PCDHGB1: variants seen among roughly 807,000 people sequenced by gnomAD.
PCDHGB1 encodes protocadherin gamma-B1.
A neutral mutation model predicts 56.6 loss-of-function variants in PCDHGB1; 34 were observed. The observed-to-expected ratio is 0.60, with a 90% CI of 0.46 to 0.80. The LOEUF (loss-of-function observed/expected upper bound fraction) is 0.80. Ranked by LOEUF, PCDHGB1 falls within the 30% of genes least tolerant of loss-of-function variation. The pLI is 0.00. For synonymous variants in PCDHGB1, 561 were observed against 505.9 expected, an observed-to-expected ratio of 1.11 and a Z score of -1.46; for missense variants, 1,278 against 1,204.6, an observed-to-expected ratio of 1.06 and a Z score of -0.90.
At chr5:141,397,984 A>G in intron 1 of PCDHGB1, 18 of 1,310,016 alleles carry the variant, frequency 1.4e-5, no homozygotes, top group Non-Finnish European at 1.9e-5. Flanking sequence ...CGGCCTTTAC[A>G]CCGCTTCCTC....
chr5:141,410,023 C>G, intron 1 of PCDHGB1: 1 of 1,613,310 alleles, frequency 6.2e-7, no homozygotes, highest in Non-Finnish European at 8.5e-7. Context: ...TGTCCTACCA[C>G]GTGCTGCAGG....
chr5:141,490,030 C>G lies in PCDHGB1; in HGVS notation c.2410-4777C>G, dbSNP rs1361758608. The G allele has an allele frequency of 1.2e-6, 2 of 1,614,150 alleles. No individual in the cohort carries two copies. Among genetic ancestry groups the G allele is most frequent in the African/African-American group, 2.7e-5 (2 of 74,936 alleles). The stretch of plus-strand genomic sequence containing the variant: ...ACCCATTGGTACTCTGCTGCTCCGC[C>G]TCAATGCCACTGATCCAGACGAGGG... On this transcript the variant is annotated intron_variant, in intron 1 of 3. Coordinates refer to ENST00000523390, the MANE Select transcript of PCDHGB1 (RefSeq NM_018922.3). This position sits in a 1 kb window ranked among gnomAD's most constrained non-coding sequence, Gnocchi z 5.4.
chr5:141,394,127 C>T lies in PCDHGB1; in HGVS notation c.2409+41458C>T, dbSNP rs376102299. 4.0e-5 allele frequency: 64 copies of T among 1,613,960 alleles called. No homozygotes were observed. The African/African-American group carries it at 7.1e-4, about 18-fold the overall frequency. ...CACCTCTGTCCACTGAAACTCAAAT[C>T]GCTCTGCACGTGGCAGACATTAACG... is the stretch of plus-strand genomic sequence containing the variant. On this transcript the variant is annotated intron_variant, in intron 1 of 3. Transcript: ENST00000523390.
intron 1 of PCDHGB1, chr5:141,356,111 T>C: frequency 1.2e-6 from 2 of 1,613,818 alleles, no homozygotes; most frequent in Non-Finnish European, 1.7e-6. Flanking sequence ...ATAACAATAT[T>C]GGGGGGTCTA....
Position 141,413,628 on chromosome 5 carries a change from T to G in PCDHGB1, c.2409+60959T>G, listed in dbSNP as rs570797524. 4.3e-6 allele frequency: 7 copies of G among 1,613,878 alleles called. No homozygotes were observed. The African/African-American group carries it at 6.7e-5, about 15-fold the overall frequency. On this transcript the variant is annotated intron_variant, in intron 1 of 3. Coordinates refer to ENST00000523390, the MANE Select transcript of PCDHGB1 (RefSeq NM_018922.3). ...ACGTAAAAATTAATGAAAATGTCGC[T>G]GCGGGAATGCGTTTTCCTCTCCCGG...
chr5:141,419,694 G>T, intron 1 of PCDHGB1: 2 of 1,612,974 alleles, frequency 1.2e-6, no homozygotes, highest in South Asian at 1.1e-5. Context: ...GTGCAGGCCA[G>T]TGAGCCCGGG....
chr5:141,366,958 A>G, intron 1 of PCDHGB1: 1 of 658,344 alleles, frequency 1.5e-6, no homozygotes, highest in Non-Finnish European at 2.4e-6. Flanking sequence ...TGTAGACTTA[A>G]GTGAAACAAA....
chr5:141,383,369 C>G, intron 1 of PCDHGB1: 1 of 1,613,978 alleles, frequency 6.2e-7, no homozygotes, highest in Non-Finnish European at 8.5e-7. Flanking sequence ...TTAAGCGAGG[C>G]TGGGGATCCA....
intron 1 of PCDHGB1, among the ~76,000 whole-genome samples, chr5:141,465,031 C>T (rs933448980): frequency 1.3e-5 from 2 of 151,958 alleles, no homozygotes; most frequent in Non-Finnish European, 1.5e-5. Context: ...CATGAACCAC[C>T]ACAAATGACC....
chr5:141,359,669 G>A (rs1417596414), intron 1 of PCDHGB1, among the ~76,000 whole-genome samples: 1 of 151,966 alleles, frequency 6.6e-6, no homozygotes, highest in Non-Finnish European at 1.5e-5. Flanking sequence ...ATAAAAATCC[G>A]TTGCCCTATA....
intron 1 of PCDHGB1, chr5:141,375,397 C>T: frequency 6.2e-7 from 1 of 1,614,010 alleles, no homozygotes; most frequent in Non-Finnish European, 8.5e-7. Flanking sequence ...AAACAATCAT[C>T]TCTCTAAATG....
chr5:141,383,899 C>G (rs560928380), intron 1 of PCDHGB1: 10 of 1,613,958 alleles, frequency 6.2e-6, no homozygotes, highest in South Asian at 1.1e-5. Context: ...GGCAAAAGTA[C>G]TGATCACAGT....
chr5:141,485,964 T>A lies in PCDHGB1; in HGVS notation c.2410-8843T>A. 1 of 1,614,162 alleles carries A rather than the reference T, an allele frequency of 6.2e-7. No homozygotes were observed. The highest frequency in any genetic ancestry group is 8.5e-7 in the Non-Finnish European group (1 of 1,180,000). On this transcript the variant is annotated intron_variant, in intron 1 of 3. Transcript: ENST00000523390. The surrounding 1 kb of genome is among the most constrained non-coding windows in gnomAD (Gnocchi z 5.7). ...CCAGCGGGCATGGTGCTCATCCAGC[T>A]CAATGCCTCAGACCCGGACCTGGGT...
chr5:141,360,115 AG>A, intron 1 of PCDHGB1: 1 of 1,568,846 alleles, frequency 6.4e-7, no homozygotes, highest in Non-Finnish European at 8.7e-7. Flanking sequence ...CTATGGGCAA[AG>A]GAGCAAAGGG....
At chr5:141,374,350 G>C (rs2150038987) in intron 1 of PCDHGB1, 1 of 1,614,038 alleles carries the variant, frequency 6.2e-7, no homozygotes, top group Non-Finnish European at 8.5e-7. Context: ...CCGCGGGTAG[G>C]ATAGACCGCG....
chr5:141,395,162 G>C, intron 1 of PCDHGB1: 1 of 1,614,148 alleles, frequency 6.2e-7, no homozygotes, highest in Non-Finnish European at 8.5e-7. Flanking sequence ...TCAGTCAGGA[G>C]GGCTGTGAGA....
In PCDHGB1 at chr5:141,422,435, A is replaced by G. The variant is rs199795822; in HGVS notation, c.2409+69766A>G. 7.8e-4 allele frequency: 1,254 copies of G among 1,609,700 alleles called. 7 individuals are homozygous for G. The highest frequency in any genetic ancestry group is 2.1e-3 in the South Asian group (193 of 90,090). Reference sequence around the variant, plus strand: ...TTAGAAAAGACTTATGGAAATTATTACAAATTGATAACAAGCAGAGTGCTG... The same window carrying G: ...TTAGAAAAGACTTATGGAAATTATTGCAAATTGATAACAAGCAGAGTGCTG... On this transcript the variant is annotated intron_variant, in intron 1 of 3. Transcript: ENST00000523390.
At chr5:141,374,518 C>G (rs766036470) in intron 1 of PCDHGB1, 9 of 1,612,422 alleles carry the variant, frequency 5.6e-6, no homozygotes, top group African/African-American at 1.3e-5. Flanking sequence ...TTCTCGAAAA[C>G]GCAGCTCCAT....
rs752842629 is a variant in PCDHGB1 at position 141,351,399 on chromosome 5, G to T, written c.1139G>T (p.Cys380Phe). 4 of 1,611,448 alleles carry T rather than the reference G, an allele frequency of 2.5e-6. No individual in the cohort carries two copies. The highest frequency in any genetic ancestry group is 3.4e-6 in the Non-Finnish European group (4 of 1,178,600). The change falls in exon 1 of 4, where the codon TGC becomes TTC. Residue 380 changes from cysteine (C) to phenylalanine (F), a missense_variant. Coordinates refer to ENST00000523390, the MANE Select transcript of PCDHGB1 (RefSeq NM_018922.3). ...KDSGQNGMVT[C>F]YTQEEVPFKL... ...TCTGGGCAAAATGGCATGGTGACAT[G>T]CTATACTCAGGAAGAAGTTCCTTTC...
Sources: gnomAD v4.1 joint callset for allele counts (sites outside exome capture counted in the v4.1 genomes callset) on GRCh38, gnomAD v4.1.1 for gene constraint, Gnocchi (gnomAD v3.1) non-coding constraint, MANE v1.5 for transcripts, NCBI Gene and HGNC (gene_info 2026-07-23, HGNC 2026-07-21) for gene names.